TEX11: variants seen among roughly 807,000 people sequenced by gnomAD.
TEX11 encodes testis-expressed protein 11.
In TEX11, 7 loss-of-function variants were observed where a neutral mutation model predicts 84.4. The ratio of observed to expected loss-of-function variants is 0.08; its 90% CI spans 0.05 to 0.16. The LOEUF (loss-of-function observed/expected upper bound fraction) is 0.16. Ranked by LOEUF, TEX11 falls within the 10% of genes least tolerant of loss-of-function variation. The pLI, the probability that TEX11 is intolerant of heterozygous loss-of-function variation, is 1.00. For synonymous variants in TEX11, 264 were observed against 222.8 expected (o/e 1.18, Z -1.64); for missense variants, 551 against 660.5 (o/e 0.83, Z 1.82).
intron 11 of TEX11, among the ~76,000 whole-genome samples, chrX:70,737,506 C>T (rs1349774233): frequency 2.7e-5 from 3 of 110,155 alleles, no homozygotes; most frequent in African/African-American, 9.9e-5. Flanking sequence ...GCACGAGAAA[C>T]GTAAATAAAA....
At chrX:70,711,220 G>C (rs1418916121) in intron 13 of TEX11, among the ~76,000 whole-genome samples, 2 of 111,345 alleles carry the variant, frequency 1.8e-5, no homozygotes, top group Non-Finnish European at 3.8e-5. Context: ...CCAAGTCTTT[G>C]CTATTGTGAA....
At chrX:70,894,518 C>T (rs1217055878) in intron 2 of TEX11, among the ~76,000 whole-genome samples, 5 of 109,322 alleles carry the variant, frequency 4.6e-5, no homozygotes, top group African/African-American at 1.7e-4. Flanking sequence ...CCCAGCTACT[C>T]GGGAGGCTGA....
chrX:70,784,020 C>A (rs932612745), intron 9 of TEX11, among the ~76,000 whole-genome samples: 19 of 108,852 alleles, frequency 1.7e-4, no homozygotes, highest in African/African-American at 6.3e-4. Flanking sequence ...AGAGACACAA[C>A]AAAAAAAAAG....
intron 11 of TEX11, among the ~76,000 whole-genome samples, chrX:70,729,324 C>G (rs894751120): frequency 1.8e-5 from 2 of 112,042 alleles, no homozygotes; most frequent in Non-Finnish European, 3.8e-5. Flanking sequence ...ATGACTTTGA[C>G]GAGTTGAGAG....
Position 70,740,804 on chromosome X carries a change from A to G in TEX11, c.748-8T>C. On this transcript the variant is annotated splice_polypyrimidine_tract_variant and splice_region_variant and intron_variant, in intron 10 of 29. Coordinates refer to ENST00000374333, the MANE Select transcript of TEX11 (RefSeq NM_031276.3). ...TAGCCGTAGAACTTTAGCCTGTAAG[A>G]AAAAAAAAAAGAAAAAAAGCACATA... 1 of 663,038 alleles carries G rather than the reference A, an allele frequency of 1.5e-6. No individual in the cohort carries two copies. Among genetic ancestry groups the G allele is most frequent in the Non-Finnish European group, 2.0e-6 (1 of 491,016 alleles). The allele number at this position is 663,038 out of a possible 1,213,427, so 54.6% of individuals were successfully genotyped here. A position where few individuals can be genotyped will look rare whatever the true frequency, so the allele number is the denominator to read the frequency against.
chrX:70,523,210 T>G, the TEX11 span, among the ~76,000 whole-genome samples: 1 of 110,637 alleles, frequency 9.0e-6, no homozygotes, highest in Non-Finnish European at 1.9e-5. Flanking sequence ...ACCCTGTAAT[T>G]CCTACTTTGC....
At chrX:70,735,181 T>C (rs1482865483) in intron 11 of TEX11, among the ~76,000 whole-genome samples, 1 of 110,911 alleles carries the variant, frequency 9.0e-6, no homozygotes, top group Admixed American at 9.6e-5. Context: ...GCTTCCCAAA[T>C]AGCTGGGATT....
intron 13 of TEX11, among the ~76,000 whole-genome samples, chrX:70,702,667 C>A (rs1012195429): frequency 9.2e-6 from 1 of 108,311 alleles, no homozygotes; most frequent in Non-Finnish European, 1.9e-5. Context: ...ATCCCTCATG[C>A]TACCCTGTTA....
At chrX:70,569,577 G>C (rs1332630281) in intron 25 of TEX11, among the ~76,000 whole-genome samples, 1 of 111,521 alleles carries the variant, frequency 9.0e-6, no homozygotes, top group Non-Finnish European at 1.9e-5. Context: ...TGTACAGATG[G>C]GTTTTTAGTG....
chrX:70,892,072 C>A (rs1168501037), intron 2 of TEX11, among the ~76,000 whole-genome samples: 1 of 111,204 alleles, frequency 9.0e-6, no homozygotes, highest in African/African-American at 3.3e-5. Flanking sequence ...GAGTGGGGGC[C>A]AATATTCAAC....
chrX:70,634,911 T>A (rs1175099664), intron 17 of TEX11, among the ~76,000 whole-genome samples: 1 of 111,926 alleles, frequency 8.9e-6, no homozygotes, highest in South Asian at 3.7e-4. Flanking sequence ...GAAAAATAAA[T>A]AGGACTATGT....
chrX:70,751,294 T>C (rs2090822484), intron 9 of TEX11, among the ~76,000 whole-genome samples: 2 of 107,871 alleles, frequency 1.9e-5, no homozygotes, highest in South Asian at 8.6e-4. Context: ...CATGGAATAC[T>C]ATGCAACCAT....
intron 25 of TEX11, among the ~76,000 whole-genome samples, chrX:70,578,764 C>CTTTTT (rs869110075): frequency 2.0e-5 from 1 of 50,163 alleles, no homozygotes; most frequent in Non-Finnish European, 3.5e-5. Context: ...AGTTGAACTT[C>CTTTTT]TTTTTTTTTT....
Position 70,625,267 on chromosome X carries a change from C to A in TEX11, c.1609-343G>T, listed in dbSNP as rs753804370. ...ATTGTCAGGTCACCCTCATTTCCAG[C>A]ACTCTATTCCCAAAAGTCTCCATAT... On this transcript the variant is annotated intron_variant, in intron 18 of 29. Coordinates refer to ENST00000374333, the MANE Select transcript of TEX11 (RefSeq NM_031276.3). 4.5e-5 allele frequency among the ~76,000 whole-genome samples: 5 copies of A among 110,654 alleles called. No individual in the cohort carries two copies. The South Asian group carries it at 2.0e-3, about 44-fold the overall frequency.
At chrX:70,898,200 T>C (rs2091783729) in intron 2 of TEX11, among the ~76,000 whole-genome samples, 1 of 111,123 alleles carries the variant, frequency 9.0e-6, no homozygotes. Flanking sequence ...CAAAGTAGGA[T>C]GAAGGGAAAA....
At position 70,828,164 on chromosome X, in the gene TEX11, T is replaced by C. The variant is rs1173858451; in HGVS notation, c.606+5349A>G. Among the ~76,000 whole-genome samples the C allele has an allele frequency of 2.7e-5, 3 of 110,546 alleles. No homozygotes were observed. The East Asian group carries it at 8.6e-4, about 32-fold the overall frequency. On this transcript the variant is annotated intron_variant, in intron 8 of 29. Transcript: ENST00000374333. ...GAAGACTACAATAAATACCTAACTC[T>C]TCAATGCCCAGACACCGATGAATAT...
At chrX:70,805,400 T>A (rs190867647) in intron 9 of TEX11, among the ~76,000 whole-genome samples, 38 of 109,414 alleles carry the variant, frequency 3.5e-4, no homozygotes, top group African/African-American at 1.2e-3. Context: ...TGATCCATTT[T>A]TTTTTCTTTT....
chrX:70,539,641 A>C (rs191599094), intron 28 of TEX11, among the ~76,000 whole-genome samples: 1 of 111,675 alleles, frequency 9.0e-6, no homozygotes, highest in Admixed American at 9.6e-5. Flanking sequence ...TATTCTTAAA[A>C]ATGAACCAAG....
chrX:70,572,856 TG>T (rs1273063917), intron 25 of TEX11, among the ~76,000 whole-genome samples: 3 of 39,552 alleles, frequency 7.6e-5, no homozygotes, highest in Admixed American at 4.2e-4. Context: ...TGCTGTGGGG[TG>T]GGGGGAGGGG....
Sources: allele counts gnomAD v4.1 joint callset (sites outside exome capture counted in the v4.1 genomes callset), GRCh38; gene constraint gnomAD v4.1.1; transcripts MANE v1.5; gene names NCBI Gene and HGNC (gene_info 2026-07-23, HGNC 2026-07-21).